Variants in CTNNA3 observed in about 807,000 individuals in gnomAD.
The protein encoded by CTNNA3 is catenin alpha 3.
Under a neutral mutation model 95.7 loss-of-function variants are expected in CTNNA3, and 76 were observed. The observed-to-expected ratio is 0.79, with a 90% CI of 0.66 to 0.96. The LOEUF (loss-of-function observed/expected upper bound fraction) is 0.96. Among genes scored for constraint, CTNNA3 ranks in the 40% least tolerant of loss-of-function variants. CTNNA3 has a pLI of 0.00. For missense variants in CTNNA3, 1,191 were observed against 1,089.8 expected, an observed-to-expected ratio of 1.09 and a Z score of -1.31; for synonymous variants, 431 against 374.4, an observed-to-expected ratio of 1.15 and a Z score of -1.74.
At chr10:66,866,912 G>A (rs1400986060) in intron 7 of CTNNA3, among the ~76,000 whole-genome samples, 1 of 152,176 alleles carries the variant, frequency 6.6e-6, no homozygotes, top group East Asian at 1.9e-4. Context: ...AACCTGATGA[G>A]AGATAATTGA....
intron 7 of CTNNA3, among the ~76,000 whole-genome samples, chr10:66,804,549 T>G (rs1247663177): frequency 6.6e-6 from 1 of 152,074 alleles, no homozygotes; most frequent in Non-Finnish European, 1.5e-5. Flanking sequence ...TTGAACAATC[T>G]CTGAGAAGAC....
At chr10:66,769,569 C>T (rs1840003836) in intron 8 of CTNNA3, among the ~76,000 whole-genome samples, 1 of 152,198 alleles carries the variant, frequency 6.6e-6, no homozygotes, top group Non-Finnish European at 1.5e-5. Context: ...CCTCTGAAGA[C>T]ATTCCATGCT....
intron 5 of CTNNA3, among the ~76,000 whole-genome samples, chr10:67,470,150 G>A (rs1459085119): frequency 6.6e-6 from 1 of 152,078 alleles, no homozygotes; most frequent in Non-Finnish European, 1.5e-5. Context: ...ATCTTCATGA[G>A]TTCAGTTGTT....
chr10:67,033,375 G>A (rs1589635406), intron 7 of CTNNA3, among the ~76,000 whole-genome samples: 1 of 152,034 alleles, frequency 6.6e-6, no homozygotes, highest in South Asian at 2.1e-4. Flanking sequence ...CACAAATCTC[G>A]ATGCTTCTCT....
chr10:67,647,448 G>C lies in CTNNA3; in HGVS notation c.66C>G (p.Thr22=). Residue 22 remains threonine, a synonymous_variant, in exon 2 of 18, where the codon ACC becomes ACG. Coordinates refer to ENST00000433211, the MANE Select transcript of CTNNA3 (RefSeq NM_013266.4). Reference sequence around the variant, plus strand: ...TGAGAGGCTCCAGTAGCTTCTCCACGGTGAATGTTTGGACCTGCAGATCCT... The same window carrying C: ...TGAGAGGCTCCAGTAGCTTCTCCACCGTGAATGTTTGGACCTGCAGATCCT... ...DPQDLQVQTF[T]VEKLLEPLII... is the part of the protein sequence containing the mutation. The C allele has an allele frequency of 1.2e-6, 2 of 1,613,054 alleles. No individual in the cohort carries two copies. Among genetic ancestry groups the C allele is most frequent in the Non-Finnish European group, 1.7e-6 (2 of 1,179,390 alleles).
In CTNNA3 at chr10:67,745,356, G is replaced by A. The variant is rs544558353; in HGVS notation, c.-2+18078C>T. 8.5e-5 allele frequency among the ~76,000 whole-genome samples: 13 copies of A among 152,164 alleles called. No homozygotes were observed. The East Asian group carries it at 2.3e-3, about 27-fold the overall frequency. ...AAAAAATGATGAGTTCATGTCCTTT[G>A]TAGTGACATGGTTGAAGCTGGAAAC... On this transcript the variant is annotated intron_variant, in intron 1 of 17. Transcript: ENST00000684154.
chr10:66,077,570 A>C (rs1005833363), intron 14 of CTNNA3, among the ~76,000 whole-genome samples: 3 of 151,838 alleles, frequency 2.0e-5, no homozygotes, highest in Non-Finnish European at 4.4e-5. Flanking sequence ...TCCAGAAGTA[A>C]TCTTCACATA....
At chr10:66,670,985 A>G (rs1404733377) in intron 9 of CTNNA3, among the ~76,000 whole-genome samples, 2 of 152,238 alleles carry the variant, frequency 1.3e-5, no homozygotes, top group Non-Finnish European at 2.9e-5. Flanking sequence ...TCCATTAAGA[A>G]TGCTTTTGTT....
chr10:66,219,878 C>A (rs1454114349), intron 13 of CTNNA3, among the ~76,000 whole-genome samples: 1 of 152,138 alleles, frequency 6.6e-6, no homozygotes, highest in African/African-American at 2.4e-5. Flanking sequence ...AATCCCAGGA[C>A]TTTGGGAGGC....
chr10:67,675,667 A>G (rs1589558341), intron 1 of CTNNA3, among the ~76,000 whole-genome samples: 1 of 152,286 alleles, frequency 6.6e-6, no homozygotes, highest in East Asian at 1.9e-4. Context: ...TCTAACATTA[A>G]TGGAGCAGGG....
intron 5 of CTNNA3, among the ~76,000 whole-genome samples, chr10:67,323,797 G>T (rs1444410067): frequency 6.6e-6 from 1 of 152,150 alleles, no homozygotes; most frequent in East Asian, 1.9e-4. Context: ...ACTTTGGGAA[G>T]TATGGCCATT....
intron 7 of CTNNA3, among the ~76,000 whole-genome samples, chr10:66,931,337 T>C (rs2177355): frequency 0.36 from 55,219 of 152,010 alleles, 10,677 homozygotes; most frequent in East Asian, 0.5. Flanking sequence ...CCAGTACACA[T>C]AGTGCTACCA....
At chr10:66,598,677 A>C (rs1343616887) in intron 10 of CTNNA3, among the ~76,000 whole-genome samples, 1 of 152,044 alleles carries the variant, frequency 6.6e-6, no homozygotes, top group Non-Finnish European at 1.5e-5. Flanking sequence ...AATACTTAGG[A>C]ATAAATCTAA....
intron 1 of CTNNA3, among the ~76,000 whole-genome samples, chr10:67,723,085 C>CCA: frequency 6.7e-6 from 1 of 149,390 alleles, no homozygotes; most frequent in East Asian, 2.0e-4. Flanking sequence ...CTCCTGGGTT[C>CCA]AAGCAATTTT....
chr10:66,489,360 G>C (rs912578686), intron 11 of CTNNA3, among the ~76,000 whole-genome samples: 4 of 152,098 alleles, frequency 2.6e-5, no homozygotes, highest in African/African-American at 9.7e-5. Flanking sequence ...TTGAAGGACA[G>C]CTAAATAGCT....
chr10:65,920,733 G>T, intron 17 of CTNNA3, 116 bp from the exon 18 acceptor site: 1 of 1,136,958 alleles, frequency 8.8e-7, no homozygotes, highest in Non-Finnish European at 1.2e-6. Context: ...GGCTGAGGAG[G>T]GAGGATCACT....
intron 7 of CTNNA3, among the ~76,000 whole-genome samples, chr10:66,989,490 C>T (rs562534934): frequency 6.6e-6 from 1 of 152,154 alleles, no homozygotes; most frequent in Admixed American, 6.5e-5. Flanking sequence ...GCTGCAGATG[C>T]CACACTATGG....
chr10:66,131,320 A>C (rs1361787373), intron 13 of CTNNA3, among the ~76,000 whole-genome samples: 1 of 152,182 alleles, frequency 6.6e-6, no homozygotes, highest in Non-Finnish European at 1.5e-5. Context: ...AATCCTCAAC[A>C]AAATACCAGC....
chr10:65,919,642 A>T lies in CTNNA3; in HGVS notation c.*688T>A, dbSNP rs1680016007. 1 of 152,268 alleles carries T rather than the reference A, an allele frequency of 6.6e-6. No homozygotes were observed. 9.4% of individuals were successfully genotyped at this position (152,268 alleles called of 1,614,324 possible). ...GAAACCCAAAAGGTGAGTATGTGGC[A>T]TCAGAACTCATTGTAACCTTTATAA... On this transcript the variant is annotated 3_prime_UTR_variant, in exon 18 of 18. Coordinates refer to ENST00000433211, the MANE Select transcript of CTNNA3 (RefSeq NM_013266.4).
Sources: gnomAD v4.1 joint callset for allele counts (sites outside exome capture counted in the v4.1 genomes callset) on GRCh38, gnomAD v4.1.1 for gene constraint, MANE v1.5 for transcripts, NCBI Gene and HGNC (gene_info 2026-07-23, HGNC 2026-07-21) for gene names.